The following GPHN variants were observed in gnomAD, a reference collection of about 807,000 sequenced individuals.
GPHN encodes gephyrin.
Under a neutral mutation model 95.5 loss-of-function variants are expected in GPHN, and 17 were observed. The observed-to-expected ratio is 0.18, with a 90% CI of 0.12 to 0.27. GPHN has a LOEUF of 0.27. GPHN is among the 10% of genes least tolerant of loss of function. GPHN has a pLI of 1.00. For missense variants in GPHN, 660 were observed against 978.1 expected (o/e 0.67, Z 4.34); for synonymous variants, 320 against 322.5 (o/e 0.99, Z 0.08).
downstream of GPHN, among the ~76,000 whole-genome samples, chr14:67,182,838 G>C (rs1182141863): frequency 6.7e-6 from 1 of 148,298 alleles, no homozygotes; most frequent in African/African-American, 2.5e-5. Context: ...CATGTTAGTG[G>C]GTCTTTTTTT....
At chr14:66,603,058 T>C (rs890686371) in intron 1 of GPHN, among the ~76,000 whole-genome samples, 2 of 151,938 alleles carry the variant, frequency 1.3e-5, no homozygotes, top group African/African-American at 2.4e-5. Flanking sequence ...ACTGAGAATG[T>C]ATTTTATTAA....
At chr14:67,547,138 T>C in the GPHN span, among the ~76,000 whole-genome samples, 2 of 151,926 alleles carry the variant, frequency 1.3e-5, no homozygotes, top group Non-Finnish European at 2.9e-5. Context: ...TAGGGGTGCA[T>C]AGTGTGATGA....
At chr14:66,694,020 A>G (rs992344970) in intron 2 of GPHN, among the ~76,000 whole-genome samples, 1 of 152,174 alleles carries the variant, frequency 6.6e-6, no homozygotes. Flanking sequence ...AGGAAAAAGA[A>G]TAGAGAGCCC....
chr14:66,953,823 A>G (rs1428791801), intron 8 of GPHN, among the ~76,000 whole-genome samples: 1 of 152,180 alleles, frequency 6.6e-6, no homozygotes, highest in Admixed American at 6.5e-5. Context: ...ACTTGAGGTC[A>G]GGCGTTTGAG....
the GPHN span, chr14:67,727,480 T>TG: frequency 3.4e-4 from 119 of 347,688 alleles, 1 homozygote; most frequent in African/African-American, 2.2e-3. Context: ...CTTTTTGTTT[T>TG]TTTTGTTTTT....
At chr14:67,302,567 T>G in the GPHN span, 1 of 1,500,312 alleles carries the variant, frequency 6.7e-7, no homozygotes, top group Admixed American at 2.1e-5. Context: ...GTTTTTGACT[T>G]GTTGGTAAGT....
chr14:67,600,359 G>A, the GPHN span: 3 of 609,238 alleles, frequency 4.9e-6, no homozygotes, highest in Admixed American at 1.1e-4. Context: ...CTCTGCTGGG[G>A]GCTGATGGTT....
the GPHN span, among the ~76,000 whole-genome samples, chr14:67,253,727 G>A: frequency 3.9e-5 from 6 of 151,930 alleles, no homozygotes; most frequent in African/African-American, 1.5e-4. Context: ...TGTAGTCCCA[G>A]CTACTTGGGA....
At chr14:67,586,848 A>G in the GPHN span, 1 of 1,501,180 alleles carries the variant, frequency 6.7e-7, no homozygotes, top group South Asian at 1.2e-5. Flanking sequence ...CTTTTCTCAG[A>G]AGGGCACTGT....
the GPHN span, chr14:67,397,816 A>T: frequency 1.2e-6 from 2 of 1,610,864 alleles, no homozygotes; most frequent in Non-Finnish European, 1.7e-6. Context: ...CCAGTTGTGG[A>T]CAATGTGGCC....
chr14:67,132,487 C>G (rs1377398472), intron 17 of GPHN, among the ~76,000 whole-genome samples: 2 of 151,962 alleles, frequency 1.3e-5, no homozygotes, highest in African/African-American at 4.8e-5. Flanking sequence ...TCTTTTACTC[C>G]TAGCAAGCTG....
intron 1 of GPHN, among the ~76,000 whole-genome samples, chr14:66,665,107 G>T (rs1031659628): frequency 1.3e-5 from 2 of 151,890 alleles, no homozygotes; most frequent in African/African-American, 4.8e-5. Context: ...AATTGAAGAG[G>T]AGAAACTCCT....
chr14:66,883,553 C>T (rs746701966), intron 5 of GPHN, among the ~76,000 whole-genome samples: 22 of 152,024 alleles, frequency 1.4e-4, no homozygotes, highest in Non-Finnish European at 2.8e-4. Context: ...TCAAATTTTC[C>T]TTGTTCTATG....
chr14:66,569,225 G>A (rs536028930), intron 1 of GPHN, among the ~76,000 whole-genome samples: 23 of 152,244 alleles, frequency 1.5e-4, no homozygotes, highest in African/African-American at 5.5e-4. Flanking sequence ...CTAGGGACTG[G>A]ATTATATACA....
chr14:67,392,802 G>A, the GPHN span: 10 of 1,613,676 alleles, frequency 6.2e-6, no homozygotes, highest in South Asian at 4.4e-5. Flanking sequence ...GCCTCCAGAC[G>A]GCTGGCCGTG....
the GPHN span, among the ~76,000 whole-genome samples, chr14:67,445,533 T>C: frequency 7.0e-6 from 1 of 143,756 alleles, no homozygotes; most frequent in African/African-American, 2.5e-5. Flanking sequence ...AGAGAAATGA[T>C]AATTCCCAAG....
chr14:67,080,470 A>C (rs980399198), intron 11 of GPHN, among the ~76,000 whole-genome samples: 10 of 143,024 alleles, frequency 7.0e-5, no homozygotes, highest in South Asian at 2.1e-4. Context: ...GTCATATCCC[A>C]AAAAAAAATC....
rs112701365 is a variant in GPHN, at chr14:66,544,797, A to G, written c.64+36206A>G. ...TAGGGAGTGGTGATGACTCTTAAGG[A>G]GCATGCTGCCTTCAAGCATCTGTTT... is the stretch of plus-strand genomic sequence containing the variant. On this transcript the variant is annotated intron_variant, in intron 1 of 22. Coordinates refer to ENST00000478722, the MANE Select transcript of GPHN (RefSeq NM_020806.5). 3.6e-3 allele frequency among the ~76,000 whole-genome samples: 550 copies of G among 151,998 alleles called. 12 individuals are homozygous for G. The highest frequency in any genetic ancestry group is 0.013 in the African/African-American group (524 of 41,408).
At chr14:67,140,326 G>C (rs543662180) in intron 17 of GPHN, among the ~76,000 whole-genome samples, 4 of 151,498 alleles carry the variant, frequency 2.6e-5, no homozygotes, top group Non-Finnish European at 5.9e-5. Context: ...AGAGGTTGCA[G>C]TGAGCCGAGA....
Sources: allele counts gnomAD v4.1 joint callset (sites outside exome capture counted in the v4.1 genomes callset), GRCh38; gene constraint gnomAD v4.1.1; transcripts MANE v1.5; gene names NCBI Gene and HGNC (gene_info 2026-07-23, HGNC 2026-07-21).